The following PRTG variants were observed in gnomAD, a reference collection of about 807,000 sequenced individuals.
PRTG encodes the protein immunoglobulin superfamily, DCC subclass, member 5.
Under a neutral mutation model 122.5 loss-of-function variants are expected in PRTG, and 67 were observed. The ratio of observed to expected loss-of-function variants is 0.55; its 90% CI spans 0.45 to 0.67. The LOEUF is 0.67. Ranked by LOEUF, PRTG falls within the 30% of genes least tolerant of loss-of-function variation. The pLI is 0.00. For missense variants in PRTG, 1,435 were observed against 1,415.4 expected (o/e 1.01, Z -0.22); for synonymous variants, 554 against 501.1 (o/e 1.11, Z -1.41).
intron 2 of PRTG, among the ~76,000 whole-genome samples, chr15:55,703,934 C>A (rs936331017): frequency 6.6e-6 from 1 of 152,118 alleles, no homozygotes; most frequent in Non-Finnish European, 1.5e-5. Context: ...GAAGTGTATG[C>A]GACATGCTAA....
In PRTG at chr15:55,664,269, A is replaced by G. The variant is rs553783362; in HGVS notation, c.2041+8176T>C. On this transcript the variant is annotated intron_variant, in intron 11 of 19. Coordinates refer to ENST00000389286, the MANE Select transcript of PRTG (RefSeq NM_173814.6). ...CGATTCTCCTGCCCCAGCCTTCCAT[A>G]TAGCTGGGATTATAGGTGTCTGCCA... 2.0e-5 allele frequency among the ~76,000 whole-genome samples: 3 copies of G among 151,974 alleles called. No homozygotes were observed. In the South Asian group the frequency reaches 6.3e-4, roughly 32 times the overall value.
intron 2 of PRTG, among the ~76,000 whole-genome samples, chr15:55,712,598 A>T (rs567757115): frequency 1.3e-5 from 2 of 152,356 alleles, no homozygotes; most frequent in Non-Finnish European, 2.9e-5. Flanking sequence ...ACCATGTGGT[A>T]ATCTGATTGA....
At chr15:55,626,345 GT>G (rs1301133234) in intron 17 of PRTG, among the ~76,000 whole-genome samples, 2 of 151,444 alleles carry the variant, frequency 1.3e-5, no homozygotes, top group Admixed American at 6.6e-5. Flanking sequence ...AAAGGTGAAG[GT>G]TGCAGTGAGC....
chr15:55,667,810 G>T (rs1336281629), intron 11 of PRTG, among the ~76,000 whole-genome samples: 1 of 152,210 alleles, frequency 6.6e-6, no homozygotes, highest in Non-Finnish European at 1.5e-5. Context: ...ATCAGGCTGG[G>T]CATGGCGGCT....
At chr15:55,643,709 C>G (rs2059305151) in intron 11 of PRTG, among the ~76,000 whole-genome samples, 1 of 152,036 alleles carries the variant, frequency 6.6e-6, no homozygotes, top group South Asian at 2.1e-4. Context: ...CAGGAATGAG[C>G]CACTGCAGCA....
At chr15:55,659,523 C>G (rs1298230889) in intron 11 of PRTG, among the ~76,000 whole-genome samples, 4 of 152,136 alleles carry the variant, frequency 2.6e-5, no homozygotes, top group African/African-American at 9.7e-5. Context: ...CCCTTCACTC[C>G]AAATGCTTTT....
chr15:55,692,835 CTT>C (rs774248341), intron 2 of PRTG, among the ~76,000 whole-genome samples: 4 of 74,948 alleles, frequency 5.3e-5, no homozygotes, highest in Non-Finnish European at 9.5e-5. Context: ...AATGCAATCT[CTT>C]TTTTTTTTTT....
intron 2 of PRTG, among the ~76,000 whole-genome samples, chr15:55,698,472 A>T (rs575224744): frequency 6.6e-6 from 1 of 152,040 alleles, no homozygotes; most frequent in South Asian, 2.1e-4. Context: ...TGTGTTTGTG[A>T]TAGAGTCAGG....
chr15:55,677,915 A>C lies in PRTG; in HGVS notation c.1263T>G (p.Ala421=), dbSNP rs1443549065. Residue 421 remains alanine, a synonymous_variant, in exon 8 of 20, where the codon GCT becomes GCG. Transcript: ENST00000389286. The part of the protein sequence containing the change: ...TVVMSEDRPS[A]PYNVHAETMS... ...TGGTTTCAGCATGTACATTATAGGG[A>C]GCACTGGGTCTGTCTTCTGACATCA... 4.6e-5 allele frequency: 74 copies of C among 1,613,858 alleles called. No homozygotes were observed. Among genetic ancestry groups the C allele is most frequent in the Non-Finnish European group, 6.1e-5 (72 of 1,179,908 alleles).
At position 55,682,490 on chromosome 15, in the gene PRTG, C is replaced by A. The variant is rs756584137; in HGVS notation, c.550G>T (p.Ala184Ser). The A allele has an allele frequency of 3.3e-6, 5 of 1,526,092 alleles. No homozygotes were observed. The highest frequency in any genetic ancestry group is 2.4e-5 in the East Asian group (1 of 41,038). The allele number at this position is 1,526,092 out of a possible 1,614,324, so 94.5% of individuals were successfully genotyped here. Residue 184 changes from alanine to serine, a missense_variant, in exon 4 of 20, where the codon GCC becomes TCC. Physicochemically the swap from Ala to Ser is moderately conservative, Grantham distance 99. Transcript: ENST00000389286. The stretch of plus-strand genomic sequence containing the variant: ...ATCTGCAATACTCCTGTTGGTAGGG[C>A]AGTTATCCTGTTATGAGAGAAAGAT... ...TLPMTMDRIT[A>S]LPTGVLQIYD...
In PRTG at chr15:55,733,379, G is replaced by A. The variant is rs920214243; in HGVS notation, c.397+7003C>T. Among the ~76,000 whole-genome samples, 8 of 151,118 alleles carry A rather than the reference G, an allele frequency of 5.3e-5. No homozygotes were observed. The South Asian group carries it at 8.4e-4, about 16-fold the overall frequency. On this transcript the variant is annotated intron_variant, in intron 2 of 19. Transcript: ENST00000389286. ...TACAAAATTAGCCAGGCATGGTGGC[G>A]CATGCCTGTAATCCCAGCTACCTGG...
chr15:55,642,180 C>CAAAAAAA (rs761440348), intron 11 of PRTG, among the ~76,000 whole-genome samples: 4 of 66,740 alleles, frequency 6.0e-5, no homozygotes, highest in African/African-American at 2.0e-4. Flanking sequence ...GACTCCGTCT[C>CAAAAAAA]AAAAAAAAAA....
At chr15:55,681,444 T>C (rs970677490) in intron 4 of PRTG, 1 of 152,086 alleles carries the variant, frequency 6.6e-6, no homozygotes, top group African/African-American at 2.4e-5. Flanking sequence ...AAATAAAAAC[T>C]ATCATCTATT....
chr15:55,667,365 T>C (rs532808269), intron 11 of PRTG, among the ~76,000 whole-genome samples: 2 of 152,276 alleles, frequency 1.3e-5, no homozygotes, highest in Middle Eastern at 3.4e-3. Flanking sequence ...ATTTTTTTAG[T>C]AGCAGGATTT....
chr15:55,717,249 C>T (rs1439063540), intron 2 of PRTG, among the ~76,000 whole-genome samples: 2 of 152,108 alleles, frequency 1.3e-5, no homozygotes, highest in Non-Finnish European at 2.9e-5. Flanking sequence ...ATAGTAGACA[C>T]AGGGAACCAT....
chr15:55,726,039 G>T (rs2031019629), intron 2 of PRTG, among the ~76,000 whole-genome samples: 1 of 152,160 alleles, frequency 6.6e-6, no homozygotes, highest in African/African-American at 2.4e-5. Flanking sequence ...CGCCTCCCAG[G>T]TTCAAGCAAT....
At chr15:55,709,976 A>G (rs1487579681) in intron 2 of PRTG, among the ~76,000 whole-genome samples, 1 of 152,054 alleles carries the variant, frequency 6.6e-6, no homozygotes, top group Non-Finnish European at 1.5e-5. Flanking sequence ...CACTTCAAAT[A>G]TGTGCAGTTT....
intron 15 of PRTG, among the ~76,000 whole-genome samples, chr15:55,630,405 G>C (rs1235270845): frequency 6.6e-6 from 1 of 152,140 alleles, no homozygotes; most frequent in Non-Finnish European, 1.5e-5. Context: ...TTACAGGTGT[G>C]AGTCACCGCA....
At chr15:55,729,547 G>C (rs569304787) in intron 2 of PRTG, among the ~76,000 whole-genome samples, 14 of 151,900 alleles carry the variant, frequency 9.2e-5, no homozygotes, top group Admixed American at 2.0e-4. Context: ...CAGGAGGACT[G>C]GAGTTCCAGA....
Sources: allele counts gnomAD v4.1 joint callset (sites outside exome capture counted in the v4.1 genomes callset), GRCh38; gene constraint gnomAD v4.1.1; transcripts MANE v1.5; gene names NCBI Gene and HGNC (gene_info 2026-07-23, HGNC 2026-07-21).